RNGTT: variants seen among roughly 807,000 people sequenced by gnomAD.
RNGTT encodes mRNA-capping enzyme.
RNGTT carries 33 observed loss-of-function variants against 79.3 expected under a neutral mutation model. The ratio of observed to expected loss-of-function variants is 0.42; its 90% CI spans 0.32 to 0.56. The LOEUF (loss-of-function observed/expected upper bound fraction) is 0.56. RNGTT is among the 20% of genes least tolerant of loss of function. The pLI is 0.17. For synonymous variants in RNGTT, 222 were observed against 235.9 expected (o/e 0.94, Z 0.54); for missense variants, 497 against 739.1 (o/e 0.67, Z 3.80).
At chr6:88,747,987 TAACTA>T (rs989567927) in intron 13 of RNGTT, among the ~76,000 whole-genome samples, 2 of 152,122 alleles carry the variant, frequency 1.3e-5, no homozygotes, top group African/African-American at 4.8e-5. Flanking sequence ...AATTTTAGTT[TAACTA>T]AACTAACACA....
At chr6:88,615,435 C>T (rs1457277718) in intron 14 of RNGTT, among the ~76,000 whole-genome samples, 1 of 152,038 alleles carries the variant, frequency 6.6e-6, no homozygotes, top group East Asian at 1.9e-4. Context: ...TTGATTGTAC[C>T]ATCTGCATTT....
intron 2 of RNGTT, among the ~76,000 whole-genome samples, chr6:88,938,333 G>C (rs1375232658): frequency 3.3e-5 from 5 of 152,058 alleles, no homozygotes; most frequent in African/African-American, 9.7e-5. Context: ...TGTTTTATCT[G>C]ATATAAGTTT....
intron 2 of RNGTT, among the ~76,000 whole-genome samples, chr6:88,935,366 C>A (rs1288120472): frequency 6.6e-6 from 1 of 152,026 alleles, no homozygotes; most frequent in Non-Finnish European, 1.5e-5. Flanking sequence ...CAGCTTTGTT[C>A]CTTTTGCTCA....
chr6:88,879,192 T>G (rs770084346), intron 8 of RNGTT, among the ~76,000 whole-genome samples: 1 of 152,122 alleles, frequency 6.6e-6, no homozygotes, highest in Non-Finnish European at 1.5e-5. Context: ...GTAAGGAGTT[T>G]GACACCAGCC....
At chr6:88,624,079 A>G (rs919356795) in intron 14 of RNGTT, among the ~76,000 whole-genome samples, 4 of 152,002 alleles carry the variant, frequency 2.6e-5, no homozygotes, top group Admixed American at 6.6e-5. Context: ...AATACTGATG[A>G]AAGAAAGAAA....
At position 88,769,829 on chromosome 6, in the gene RNGTT, G is replaced by T; in HGVS notation, c.1384C>A (p.Pro462Thr). The T allele has an allele frequency of 6.2e-7, 1 of 1,612,404 alleles. No homozygotes were observed. Among genetic ancestry groups the T allele is most frequent in the Non-Finnish European group, 8.5e-7 (1 of 1,179,080 alleles). ...CGAAAATCCACAGAATTCAGACTGG[G>T]AGGCTTCCATTTCAAAATATCATCA... The part of the protein sequence containing the change: ...RCDDILKWKP[P>T]SLNSVDFRLK... Residue 462 changes from proline (P) to threonine (T), a missense_variant, in exon 13 of 16, where the codon CCC becomes ACC. Around this residue, in one of 3 missense-constraint regions of RNGTT, gnomAD observed 440 missense variants for 671.5 expected, o/e 0.66. Transcript: ENST00000369485.
intron 13 of RNGTT, among the ~76,000 whole-genome samples, chr6:88,747,854 CA>C (rs1163056264): frequency 6.6e-6 from 1 of 152,192 alleles, no homozygotes; most frequent in Non-Finnish European, 1.5e-5. Context: ...GCCAACAGAG[CA>C]ATGATTATGT....
At chr6:88,730,966 C>A (rs181121313) in intron 13 of RNGTT, among the ~76,000 whole-genome samples, 45 of 152,230 alleles carry the variant, frequency 3.0e-4, no homozygotes, top group Admixed American at 5.2e-4. Context: ...AAGGTCACAG[C>A]CCAGGAATGC....
intron 8 of RNGTT, among the ~76,000 whole-genome samples, chr6:88,866,198 T>C (rs1294759280): frequency 6.6e-6 from 1 of 152,164 alleles, no homozygotes; most frequent in Non-Finnish European, 1.5e-5. Flanking sequence ...GGATAGAATA[T>C]GCTTCCTCCT....
intron 1 of RNGTT, among the ~76,000 whole-genome samples, chr6:88,950,859 T>G (rs933058096): frequency 1.2e-4 from 17 of 137,790 alleles, no homozygotes; most frequent in African/African-American, 4.4e-4. Flanking sequence ...TAACTGTTTT[T>G]GGTTTTTTTT....
chr6:88,829,854 T>C (rs1233221650), intron 11 of RNGTT, among the ~76,000 whole-genome samples: 3 of 152,060 alleles, frequency 2.0e-5, no homozygotes, highest in Non-Finnish European at 4.4e-5. Context: ...CTTAAATATA[T>C]ATGCACCCAA....
intron 13 of RNGTT, among the ~76,000 whole-genome samples, chr6:88,726,147 C>T (rs993463744): frequency 6.6e-6 from 1 of 152,052 alleles, no homozygotes. Flanking sequence ...TTCTCTATGA[C>T]CCTGTAACAC....
chr6:88,923,716 T>G (rs1269476310), intron 4 of RNGTT, among the ~76,000 whole-genome samples: 1 of 152,154 alleles, frequency 6.6e-6, no homozygotes, highest in Non-Finnish European at 1.5e-5. Flanking sequence ...TACTCTTCCT[T>G]ACGATCCCTT....
chr6:88,671,890 G>A (rs1002356025), intron 14 of RNGTT, among the ~76,000 whole-genome samples: 76 of 152,078 alleles, frequency 5.0e-4, no homozygotes, highest in African/African-American at 1.8e-3. Flanking sequence ...AAACAGTGCT[G>A]GGATAATTGG....
chr6:88,701,072 T>C (rs1246315882), intron 13 of RNGTT, among the ~76,000 whole-genome samples: 1 of 151,308 alleles, frequency 6.6e-6, no homozygotes, highest in Non-Finnish European at 1.5e-5. Context: ...TATGTATGAA[T>C]GTTACGTATG....
intron 12 of RNGTT, among the ~76,000 whole-genome samples, chr6:88,774,929 G>A (rs1778821647): frequency 6.6e-6 from 1 of 152,108 alleles, no homozygotes; most frequent in African/African-American, 2.4e-5. Flanking sequence ...TGTAATTAGA[G>A]ATTATAAAAA....
At chr6:88,829,235 G>T (rs1780768799) in intron 11 of RNGTT, among the ~76,000 whole-genome samples, 1 of 152,110 alleles carries the variant, frequency 6.6e-6, no homozygotes, top group African/African-American at 2.4e-5. Context: ...CATTCTTAAA[G>T]GAAAGAATTT....
In RNGTT at chr6:88,656,873, T is replaced by TGAGCCCAG. The variant is rs1428101976; in HGVS notation, c.1506+21472_1506+21479dup. ...GGGAGGCTGAGGCAGGAGACTTGCTTGAGCCCAGGAGTTCCAGACCAGCCT... is the reference window on the plus strand; with the variant it reads ...GGGAGGCTGAGGCAGGAGACTTGCTTGAGCCCAGGAGCCCAGGAGTTCCAGACCAGCCT... On this transcript the variant is annotated intron_variant, in intron 14 of 15. Coordinates refer to ENST00000369485, the MANE Select transcript of RNGTT (RefSeq NM_003800.5). Among the ~76,000 whole-genome samples, 27 of 151,948 alleles carry TGAGCCCAG rather than the reference T, an allele frequency of 1.8e-4. No individual in the cohort carries two copies. In the East Asian group the frequency reaches 5.0e-3, roughly 28 times the overall value.
intron 14 of RNGTT, among the ~76,000 whole-genome samples, chr6:88,646,635 C>A (rs1773572086): frequency 6.6e-6 from 1 of 152,172 alleles, no homozygotes; most frequent in South Asian, 2.1e-4. Context: ...AAATGTGGCA[C>A]ATATACACCA....
Sources: gnomAD v4.1 joint callset for allele counts (sites outside exome capture counted in the v4.1 genomes callset) on GRCh38, gnomAD v4.1.1 for gene constraint, gnomAD v4.1.1 regional missense constraint, MANE v1.5 for transcripts, NCBI Gene and HGNC (gene_info 2026-07-23, HGNC 2026-07-21) for gene names.